Variants in RUFY3 observed in about 807,000 individuals in gnomAD.
RUFY3 encodes the protein protein RUFY3.
Under a neutral mutation model 84.0 loss-of-function variants are expected in RUFY3, and 34 were observed. The observed-to-expected ratio is 0.40, with a 90% CI of 0.31 to 0.54. The LOEUF (loss-of-function observed/expected upper bound fraction) is 0.54. Ranked by LOEUF, RUFY3 falls within the 20% of genes least tolerant of loss-of-function variation. The pLI is 0.39. For synonymous variants in RUFY3, 242 were observed against 252.9 expected (o/e 0.96, Z 0.41); for missense variants, 507 against 736.8 (o/e 0.69, Z 3.61).
At chr4:70,790,991 T>C (rs936802652) in intron 12 of RUFY3, among the ~76,000 whole-genome samples, 12 of 152,334 alleles carry the variant, frequency 7.9e-5, no homozygotes, top group South Asian at 2.1e-4. Flanking sequence ...TAAACAGTTA[T>C]ATGTTTATGA....
At chr4:70,777,731 A>G (rs1483769050) in intron 7 of RUFY3, among the ~76,000 whole-genome samples, 2 of 152,248 alleles carry the variant, frequency 1.3e-5, no homozygotes, top group Non-Finnish European at 1.5e-5. Context: ...GTTGAAAGGA[A>G]TAAATGCAAT....
chr4:70,772,875 G>C (rs1423823314), intron 5 of RUFY3, among the ~76,000 whole-genome samples: 1 of 152,090 alleles, frequency 6.6e-6, no homozygotes, highest in Non-Finnish European at 1.5e-5. Flanking sequence ...TGTTCAGTCT[G>C]GTCTCGAACT....
At chr4:70,719,668 G>A (rs1201054371), upstream of RUFY3, among the ~76,000 whole-genome samples, 1 of 152,116 alleles carries the variant, frequency 6.6e-6, no homozygotes, top group African/African-American at 2.4e-5. Context: ...TTGAAGTATT[G>A]CATGATATAA....
intron 15 of RUFY3, among the ~76,000 whole-genome samples, chr4:70,801,076 A>T (rs1560576889): frequency 6.6e-6 from 1 of 152,000 alleles, no homozygotes; most frequent in African/African-American, 2.4e-5. Flanking sequence ...GGTTAGAAAT[A>T]TAATTAAATA....
chr4:70,721,359 CA>C (rs1742273165), upstream of RUFY3, among the ~76,000 whole-genome samples: 1 of 149,770 alleles, frequency 6.7e-6, no homozygotes, highest in Non-Finnish European at 1.5e-5. Context: ...ATAAATACAA[CA>C]AAATCAAAAA....
intron 1 of RUFY3, among the ~76,000 whole-genome samples, chr4:70,758,026 T>A (rs983593354): frequency 6.6e-6 from 1 of 152,226 alleles, no homozygotes; most frequent in Non-Finnish European, 1.5e-5. Context: ...TATAACAGAA[T>A]CTTTTTTTAC....
chr4:70,791,119 A>C, intron 12 of RUFY3: 1 of 896,528 alleles, frequency 1.1e-6, no homozygotes, highest in Admixed American at 2.5e-5. Flanking sequence ...ATAATGACTT[A>C]TCTCTTTGAG....
chr4:70,721,059 A>G (rs1742222705), upstream of RUFY3, among the ~76,000 whole-genome samples: 2 of 152,182 alleles, frequency 1.3e-5, no homozygotes, highest in African/African-American at 4.8e-5. Context: ...CACGCCTGTA[A>G]TCCCAGCACT....
chr4:70,704,854 G>A (rs1014299632), exon 1 of RUFY3: 15 of 916,288 alleles, frequency 1.6e-5, no homozygotes, highest in Middle Eastern at 4.0e-4. Flanking sequence ...ACGGGACGGG[G>A]CGGCGGCTCC....
At chr4:70,705,204 A>G in exon 1 of RUFY3, 2 of 1,460,928 alleles carry the variant, frequency 1.4e-6, no homozygotes, top group Non-Finnish European at 1.8e-6. Context: ...GCGCTCCTGG[A>G]GGACCCCGCC....
At chr4:70,724,136 T>C (rs964174826) in intron 1 of RUFY3, among the ~76,000 whole-genome samples, 5 of 152,184 alleles carry the variant, frequency 3.3e-5, no homozygotes, top group Non-Finnish European at 5.9e-5. Context: ...TATTTTTTAT[T>C]ATTATTTTAT....
intron 1 of RUFY3, among the ~76,000 whole-genome samples, chr4:70,726,983 C>CAG (rs10645539): frequency 0.098 from 14,784 of 150,616 alleles, 1,555 homozygotes; most frequent in African/African-American, 0.27. Flanking sequence ...AATAACCTCT[C>CAG]AGACTTTTGT....
intron 4 of RUFY3, among the ~76,000 whole-genome samples, chr4:70,766,298 G>A (rs1235713533): frequency 2.0e-5 from 3 of 152,110 alleles, no homozygotes; most frequent in African/African-American, 7.2e-5. Flanking sequence ...AGGTTGGAGT[G>A]CAGTGGTGCA....
chr4:70,800,285 G>A, intron 15 of RUFY3, 80 bp downstream of exon 15: 1 of 990,304 alleles, frequency 1.0e-6, no homozygotes, highest in Non-Finnish European at 1.5e-6. Context: ...ATATACATTG[G>A]CATTGACACC....
Position 70,807,688 on chromosome 4 carries a change from G to T in RUFY3, c.*1029G>T, listed in dbSNP as rs1732974473. ...CTTTTTTTTTTTTTTTTTGGCCGGG[G>T]AGGGGGTCTCATTGGTTGCTCAGCC... On this transcript the variant is annotated 3_prime_UTR_variant, in exon 18 of 18. Transcript: ENST00000381006. 6.7e-6 allele frequency among the ~76,000 whole-genome samples: 1 copy of T among 149,100 alleles called. No individual in the cohort carries two copies.
chr4:70,764,101 T>G (rs1158013942), intron 3 of RUFY3, among the ~76,000 whole-genome samples: 1 of 152,232 alleles, frequency 6.6e-6, no homozygotes, highest in African/African-American at 2.4e-5. Flanking sequence ...TGAGACTGGT[T>G]TAATTTTAAT....
intron 1 of RUFY3, among the ~76,000 whole-genome samples, chr4:70,729,547 C>G (rs1484708457): frequency 1.3e-5 from 2 of 152,158 alleles, no homozygotes; most frequent in East Asian, 3.9e-4. Flanking sequence ...TGTGAGCCAT[C>G]ATGCTTGAGT....
At chr4:70,705,431 C>A in intron 1 of RUFY3, 1 of 563,746 alleles carries the variant, frequency 1.8e-6, no homozygotes, top group Non-Finnish European at 2.8e-6. Flanking sequence ...GCTTTAGGGG[C>A]TACCCTCGGG....
In RUFY3 at chr4:70,804,355, T is replaced by C. The variant is rs767847608; in HGVS notation, c.1658T>C (p.Leu553Pro). Residue 553 changes from leucine to proline, a missense_variant, in exon 17 of 18, where the codon CTG becomes CCG. Physicochemically the swap from Leu to Pro is moderately conservative, Grantham distance 98. Coordinates refer to ENST00000381006, the MANE Select transcript of RUFY3 (RefSeq NM_001037442.4). ...QPHPMDEQDQLLLSEKPQLCQ... is the reference protein window; with the variant it reads ...QPHPMDEQDQPLLSEKPQLCQ... The stretch of plus-strand genomic sequence containing the variant: ...GCTCCCTGTGTGGTTTAGGATCAGC[T>C]GCTGCTCTCTGAAAAGCCACAGTTG... The C allele has an allele frequency of 3.1e-6, 5 of 1,614,008 alleles. No individual in the cohort carries two copies. In the South Asian group the frequency reaches 5.5e-5, roughly 18 times the overall value.
Sources: allele counts gnomAD v4.1 joint callset (sites outside exome capture counted in the v4.1 genomes callset), GRCh38; gene constraint gnomAD v4.1.1; transcripts MANE v1.5; gene names NCBI Gene and HGNC (gene_info 2026-07-23, HGNC 2026-07-21).